Variants in CHODL observed in about 807,000 individuals in gnomAD.
CHODL encodes chondrolectin.
In CHODL, 29 loss-of-function variants were observed where a neutral mutation model predicts 34.5. That is an observed-to-expected ratio of 0.84 (90% CI 0.63 to 1.15). The LOEUF (loss-of-function observed/expected upper bound fraction) is 1.15, where lower values mean the gene tolerates loss of function less well. CHODL is among the 50% of genes most tolerant of loss of function. The pLI is 0.00. For synonymous variants in CHODL, 125 were observed against 116.1 expected (o/e 1.08, Z -0.49); for missense variants, 332 against 332.5 (o/e 1.00, Z 0.01).
chr21:18,073,263 A>T (rs1452336883), intron 2 of CHODL, among the ~76,000 whole-genome samples: 1 of 152,148 alleles, frequency 6.6e-6, no homozygotes, highest in East Asian at 1.9e-4. Context: ...TTAAGGTGAA[A>T]ATCTGAAAGT....
chr21:17,922,705 C>T (rs1458443927), intron 1 of CHODL, among the ~76,000 whole-genome samples: 1 of 152,112 alleles, frequency 6.6e-6, no homozygotes, highest in Non-Finnish European at 1.5e-5. Context: ...CTTATGAGGT[C>T]TTAGCTTTAA....
intron 2 of CHODL, among the ~76,000 whole-genome samples, chr21:18,051,387 T>G (rs1435187284): frequency 6.6e-6 from 1 of 151,766 alleles, no homozygotes; most frequent in Non-Finnish European, 1.5e-5. Flanking sequence ...TGACTAAAGG[T>G]TAGGTACAGC....
At chr21:18,085,089 T>A (rs1244044797) in intron 2 of CHODL, among the ~76,000 whole-genome samples, 2 of 152,102 alleles carry the variant, frequency 1.3e-5, no homozygotes, top group African/African-American at 4.8e-5. Context: ...TTCTATTTAT[T>A]TAAATATAGG....
intron 2 of CHODL, among the ~76,000 whole-genome samples, chr21:18,154,238 T>C (rs1702414106): frequency 6.6e-6 from 1 of 152,220 alleles, no homozygotes; most frequent in Non-Finnish European, 1.5e-5. Flanking sequence ...CTCAAAGTTT[T>C]ACTTCTTATT....
chr21:18,162,202 G>A (rs1381155951), intron 2 of CHODL, among the ~76,000 whole-genome samples: 2 of 152,132 alleles, frequency 1.3e-5, no homozygotes, highest in African/African-American at 2.4e-5. Context: ...AAAATGGGTG[G>A]CATAAACAAC....
intron 1 of CHODL, among the ~76,000 whole-genome samples, chr21:17,979,181 G>C (rs1404553144): frequency 6.6e-6 from 1 of 152,160 alleles, no homozygotes; most frequent in African/African-American, 2.4e-5. Flanking sequence ...AAATTTCAGA[G>C]ATTAGCCATG....
intron 2 of CHODL, among the ~76,000 whole-genome samples, chr21:18,061,123 C>T (rs157058): frequency 0.46 from 70,112 of 151,972 alleles, 16,943 homozygotes; most frequent in Middle Eastern, 0.53. Context: ...AGGAGAACAA[C>T]TAAATTGGCA....
intron 1 of CHODL, among the ~76,000 whole-genome samples, chr21:17,931,675 A>C (rs2146320489): frequency 6.6e-6 from 1 of 152,336 alleles, no homozygotes; most frequent in South Asian, 2.1e-4. Flanking sequence ...TAGCATATGA[A>C]AGAAGAAATA....
intron 5 of CHODL, among the ~76,000 whole-genome samples, chr21:18,264,379 A>G (rs67247684): frequency 0.077 from 11,641 of 152,038 alleles, 532 homozygotes; most frequent in African/African-American, 0.11. Flanking sequence ...ACTTGGGTGG[A>G]TCATCTGAGG....
chr21:18,083,655 C>A (rs190488251), intron 2 of CHODL, among the ~76,000 whole-genome samples: 1 of 152,174 alleles, frequency 6.6e-6, no homozygotes, highest in Non-Finnish European at 1.5e-5. Context: ...GACATGGAGT[C>A]CAAGGAGATT....
chr21:18,134,432 T>C, intron 2 of CHODL: 1 of 486,862 alleles, frequency 2.1e-6, no homozygotes, highest in South Asian at 1.5e-5. Context: ...TGCTATCATT[T>C]CTGTGGCTCA....
At chr21:17,991,566 G>T (rs1163275367) in intron 1 of CHODL, among the ~76,000 whole-genome samples, 1 of 151,072 alleles carries the variant, frequency 6.6e-6, no homozygotes, top group East Asian at 1.9e-4. Context: ...GTGATTTTGA[G>T]CATTTTTTAA....
At chr21:17,981,839 A>G (rs2063716234) in intron 1 of CHODL, among the ~76,000 whole-genome samples, 1 of 152,180 alleles carries the variant, frequency 6.6e-6, no homozygotes, top group Non-Finnish European at 1.5e-5. Flanking sequence ...AAAATATCAC[A>G]TAATGGGCCT....
Position 18,123,027 on chromosome 21 carries a change from G to A in CHODL, c.-45+95056G>A, listed in dbSNP as rs960136060. On this transcript the variant is annotated intron_variant, in intron 2 of 6. Transcript: ENST00000400127. ...GCAGCTTTCGATGCTAAAGATTTAG[G>A]GCTTAACATCAAAACGTCTGACTGA... Among the ~76,000 whole-genome samples, 6 of 152,110 alleles carry A rather than the reference G, an allele frequency of 3.9e-5. No individual in the cohort carries two copies. In the East Asian group the frequency reaches 1.2e-3, roughly 29 times the overall value.
At chr21:18,225,813 A>G (rs185710523) in intron 2 of CHODL, among the ~76,000 whole-genome samples, 66 of 152,270 alleles carry the variant, frequency 4.3e-4, no homozygotes, top group African/African-American at 1.5e-3. Context: ...GACACATAAC[A>G]GTAAATATCT....
chr21:18,263,308 T>C (rs1269888111), intron 5 of CHODL, among the ~76,000 whole-genome samples: 1 of 152,200 alleles, frequency 6.6e-6, no homozygotes, highest in Non-Finnish European at 1.5e-5. Flanking sequence ...TAAGACTTGA[T>C]ATTTGTAGGT....
intron 2 of CHODL, among the ~76,000 whole-genome samples, chr21:18,040,317 A>T (rs898937389): frequency 1.3e-5 from 2 of 151,864 alleles, no homozygotes; most frequent in Admixed American, 6.6e-5. Flanking sequence ...TTTACAAAAG[A>T]GAAGGAGACG....
rs553950353 is a variant in CHODL at position 17,953,406 on chromosome 21, A to G, written c.-145+36006A>G. On this transcript the variant is annotated intron_variant, in intron 1 of 6. Coordinates refer to the CHODL transcript ENST00000400127. Reference sequence around the variant, plus strand: ...TGCCCAAGTCCAGGAGTTAGAGACTACAGTGAGCCACGATTGTGCCACTGC... The same window carrying G: ...TGCCCAAGTCCAGGAGTTAGAGACTGCAGTGAGCCACGATTGTGCCACTGC... 4.6e-5 allele frequency among the ~76,000 whole-genome samples: 7 copies of G among 152,114 alleles called. No individual in the cohort carries two copies. The South Asian group carries it at 1.2e-3, about 27-fold the overall frequency.
chr21:18,130,831 G>C (rs1371170590), intron 2 of CHODL, among the ~76,000 whole-genome samples: 1 of 152,078 alleles, frequency 6.6e-6, no homozygotes, highest in Non-Finnish European at 1.5e-5. Flanking sequence ...CATTCATATT[G>C]AATCCTTTCA....
Sources: allele counts gnomAD v4.1 joint callset (sites outside exome capture counted in the v4.1 genomes callset), GRCh38; gene constraint gnomAD v4.1.1; transcripts MANE v1.5; gene names NCBI Gene and HGNC (gene_info 2026-07-23, HGNC 2026-07-21).